CLDN10: variants seen among roughly 807,000 people sequenced by gnomAD.
CLDN10 encodes the protein claudin-10.
In CLDN10, 15 loss-of-function variants were observed where a neutral mutation model predicts 22.9. That is an observed-to-expected ratio of 0.65 (90% CI 0.44 to 1.01). The LOEUF is 1.01. CLDN10 is among the 50% of genes least tolerant of loss of function. The pLI is 0.00. For synonymous variants in CLDN10, 114 were observed against 111.4 expected (o/e 1.02, Z -0.15); for missense variants, 247 against 287.8 (o/e 0.86, Z 1.03).
intron 1 of CLDN10, among the ~76,000 whole-genome samples, chr13:95,495,213 T>C (rs992846899): frequency 6.6e-6 from 1 of 151,782 alleles, no homozygotes; most frequent in Non-Finnish European, 1.5e-5. Context: ...TTTTTGTATT[T>C]TTTTGTAGTG....
intron 1 of CLDN10, among the ~76,000 whole-genome samples, chr13:95,463,878 A>G (rs932447794): frequency 2.6e-5 from 4 of 152,004 alleles, no homozygotes; most frequent in African/African-American, 4.8e-5. Context: ...TGTGCCATTT[A>G]TGGGTTTATC....
At chr13:95,520,151 C>G (rs1330713801) in intron 1 of CLDN10, among the ~76,000 whole-genome samples, 2 of 152,160 alleles carry the variant, frequency 1.3e-5, no homozygotes, top group East Asian at 3.9e-4. Context: ...AACCCTAAAC[C>G]TAATCAGAAC....
rs548664291 is a variant in CLDN10, at chr13:95,555,383, G to C, written c.220+2410G>C. 1.8e-3 allele frequency among the ~76,000 whole-genome samples: 276 copies of C among 152,240 alleles called. 1 individual carries two copies. The highest frequency in any genetic ancestry group is 0.014 in the South Asian group (68 of 4,826). ...TTTAGTTGGCATTTCCCTTATTGCC[G>C]TGGTCAAAATCACTGGTTATAAAAA... is the stretch of plus-strand genomic sequence containing the variant. On this transcript the variant is annotated intron_variant, in intron 1 of 4. Coordinates refer to ENST00000299339, the MANE Select transcript of CLDN10 (RefSeq NM_006984.5).
chr13:95,459,631 G>A (rs1278314375), intron 1 of CLDN10, among the ~76,000 whole-genome samples: 1 of 152,172 alleles, frequency 6.6e-6, no homozygotes, highest in Non-Finnish European at 1.5e-5. Flanking sequence ...CAAGACCCTG[G>A]ATCTGGCCCA....
intron 1 of CLDN10, among the ~76,000 whole-genome samples, chr13:95,453,002 A>G (rs2042446462): frequency 6.6e-6 from 1 of 152,142 alleles, no homozygotes; most frequent in Non-Finnish European, 1.5e-5. Context: ...TATTAACTTC[A>G]ATGTACAGGT....
intron 1 of CLDN10, among the ~76,000 whole-genome samples, chr13:95,449,283 G>C (rs548385053): frequency 6.6e-6 from 1 of 151,678 alleles, no homozygotes; most frequent in East Asian, 2.0e-4. Flanking sequence ...ACAGAATCTC[G>C]CTCTGTTGCC....
intron 1 of CLDN10, among the ~76,000 whole-genome samples, chr13:95,554,734 A>G (rs2043612137): frequency 6.6e-6 from 1 of 152,242 alleles, no homozygotes; most frequent in Non-Finnish European, 1.5e-5. Context: ...AATAGAAGTG[A>G]CTTGACTCTG....
At chr13:95,444,727 T>A (rs1049547215) in intron 1 of CLDN10, among the ~76,000 whole-genome samples, 1 of 152,208 alleles carries the variant, frequency 6.6e-6, no homozygotes, top group African/African-American at 2.4e-5. Flanking sequence ...GCCTGACATT[T>A]GAGCTCCCTC....
chr13:95,490,974 G>A (rs972259189), intron 1 of CLDN10, among the ~76,000 whole-genome samples: 3 of 152,074 alleles, frequency 2.0e-5, no homozygotes, highest in Non-Finnish European at 1.5e-5. Flanking sequence ...GATTGTGATA[G>A]CTTCCTGTTG....
intron 1 of CLDN10, among the ~76,000 whole-genome samples, chr13:95,446,613 G>A (rs1281030881): frequency 2.0e-5 from 3 of 152,222 alleles, no homozygotes; most frequent in Non-Finnish European, 4.4e-5. Context: ...AGGCCAAGGC[G>A]GGAGGATCAC....
chr13:95,536,444 G>A (rs35195129), intron 1 of CLDN10, among the ~76,000 whole-genome samples: 12,261 of 152,094 alleles, frequency 0.081, 652 homozygotes, highest in East Asian at 0.22. Context: ...GCAAGACTCT[G>A]TCTCAAAAAA....
intron 1 of CLDN10, among the ~76,000 whole-genome samples, chr13:95,516,881 A>G (rs962753553): frequency 6.6e-6 from 1 of 152,134 alleles, no homozygotes; most frequent in Non-Finnish European, 1.5e-5. Context: ...TCCTACATCC[A>G]GGCGTATGAG....
intron 1 of CLDN10, among the ~76,000 whole-genome samples, chr13:95,440,283 G>T (rs896233997): frequency 1.3e-5 from 2 of 152,196 alleles, no homozygotes; most frequent in Non-Finnish European, 2.9e-5. Context: ...AGATCCTGAT[G>T]CTGCTTTCTG....
chr13:95,570,659 T>G (rs2138677358), intron 3 of CLDN10, among the ~76,000 whole-genome samples: 1 of 151,868 alleles, frequency 6.6e-6, no homozygotes, highest in African/African-American at 2.4e-5. Flanking sequence ...ACTGTTATAT[T>G]AGGTAGATTG....
chr13:95,524,481 T>G (rs2043257340), intron 1 of CLDN10, among the ~76,000 whole-genome samples: 1 of 152,230 alleles, frequency 6.6e-6, no homozygotes, highest in Admixed American at 6.5e-5. Context: ...TGTTGTAGCA[T>G]GTAATTTCAT....
chr13:95,576,011 C>T (rs1312021071), intron 3 of CLDN10, among the ~76,000 whole-genome samples: 2 of 152,130 alleles, frequency 1.3e-5, no homozygotes, highest in African/African-American at 4.8e-5. Flanking sequence ...ATGGGCCCAC[C>T]CTATTACACC....
intron 1 of CLDN10, among the ~76,000 whole-genome samples, chr13:95,461,573 G>A (rs761592599): frequency 3.3e-5 from 5 of 152,082 alleles, no homozygotes; most frequent in Admixed American, 2.6e-4. Context: ...ATTTTCATTA[G>A]CATGACTGTT....
intron 1 of CLDN10, among the ~76,000 whole-genome samples, chr13:95,466,368 G>C (rs114197129): frequency 6.6e-6 from 1 of 152,048 alleles, no homozygotes; most frequent in Non-Finnish European, 1.5e-5. Flanking sequence ...TTTTGGAAGC[G>C]CTTGTCTGAT....
chr13:95,517,838 G>C (rs1185687822), intron 1 of CLDN10, among the ~76,000 whole-genome samples: 1 of 150,736 alleles, frequency 6.6e-6, no homozygotes, highest in Non-Finnish European at 1.5e-5. Context: ...GGAGGGTAAG[G>C]CAGGAGAATC....
Sources: gnomAD v4.1 joint callset for allele counts (sites outside exome capture counted in the v4.1 genomes callset) on GRCh38, gnomAD v4.1.1 for gene constraint, MANE v1.5 for transcripts, NCBI Gene and HGNC (gene_info 2026-07-23, HGNC 2026-07-21) for gene names.